TRIM24: variants seen among roughly 807,000 people sequenced by gnomAD.
The protein encoded by TRIM24 is tripartite motif containing 24.
TRIM24 carries 29 observed loss-of-function variants against 123.9 expected under a neutral mutation model. That is an observed-to-expected ratio of 0.23 (90% CI 0.17 to 0.32). The LOEUF is 0.32. TRIM24 is among the 10% of genes least tolerant of loss of function. The pLI is 1.00. For synonymous variants in TRIM24, 456 were observed against 461.1 expected, an observed-to-expected ratio of 0.99 and a Z score of 0.14; for missense variants, 932 against 1,295.3, an observed-to-expected ratio of 0.72 and a Z score of 4.31.
intron 9 of TRIM24, among the ~76,000 whole-genome samples, chr7:138,565,363 G>T (rs1383104071): frequency 6.6e-6 from 1 of 152,158 alleles, no homozygotes; most frequent in Non-Finnish European, 1.5e-5. Flanking sequence ...TATGGGACAG[G>T]TCCTGCCTCG....
intron 1 of TRIM24, among the ~76,000 whole-genome samples, chr7:138,478,872 T>C (rs1360798922): frequency 1.3e-5 from 2 of 152,206 alleles, no homozygotes; most frequent in Non-Finnish European, 2.9e-5. Context: ...ACTTTGAGTT[T>C]GGTTTCTTTT....
chr7:138,560,559 G>C (rs1269565469), intron 9 of TRIM24, among the ~76,000 whole-genome samples: 4 of 152,134 alleles, frequency 2.6e-5, no homozygotes, highest in African/African-American at 7.2e-5. Flanking sequence ...GGGTTGTTCT[G>C]GGCACAAATT....
chr7:138,511,459 G>A (rs1796287089), intron 2 of TRIM24, among the ~76,000 whole-genome samples: 2 of 151,702 alleles, frequency 1.3e-5, no homozygotes, highest in South Asian at 4.2e-4. Context: ...CAGCTAATTT[G>A]TTGTATTTTT....
In TRIM24 at chr7:138,460,875, C is replaced by G; in HGVS notation, c.327C>G (p.Gly109=). 2 of 1,538,610 alleles carry G rather than the reference C, an allele frequency of 1.3e-6. No homozygotes were observed. The highest frequency in any genetic ancestry group is 1.7e-6 in the Non-Finnish European group (2 of 1,151,970). ...CCCCGCCACCCGTCCCTGCCCCCGGCTCGCCGGTCAGCGGCTCGTCGCCGT... is the reference window on the plus strand; with the variant it reads ...CCCCGCCACCCGTCCCTGCCCCCGGGTCGCCGGTCAGCGGCTCGTCGCCGT... ...AETPPPVPAP[G]SPVSGSSPFA... is the part of the protein sequence containing the mutation. Residue 109 remains glycine, a synonymous_variant, in exon 1 of 19, where the codon GGC becomes GGG. Coordinates refer to ENST00000343526, the MANE Select transcript of TRIM24 (RefSeq NM_015905.3).
At chr7:138,463,111 A>C (rs1178850907) in intron 1 of TRIM24, among the ~76,000 whole-genome samples, 1 of 124,074 alleles carries the variant, frequency 8.1e-6, no homozygotes, top group Non-Finnish European at 1.6e-5. Context: ...GCTGGTCTTG[A>C]ACTCCCGACC....
chr7:138,519,212 C>T lies in TRIM24; in HGVS notation c.655C>T (p.Arg219Ter), dbSNP rs112052482. 6.2e-7 allele frequency: 1 copy of T among 1,614,058 alleles called. No individual in the cohort carries two copies. Among genetic ancestry groups the T allele is most frequent in the Non-Finnish European group, 8.5e-7 (1 of 1,179,974 alleles). ...SPEAVGVTSQ[R>*]PVFCPFHKKE... is the part of the protein sequence containing the mutation. Reference sequence around the variant, plus strand: ...AGAGGCAGTTGGTGTCACCAGCCAGCGACCAGTGTTTTGTCCTTTTCATAA... The same window carrying T: ...AGAGGCAGTTGGTGTCACCAGCCAGTGACCAGTGTTTTGTCCTTTTCATAA... Residue 219 changes from arginine to a stop codon, truncating the protein, a stop_gained, in exon 4 of 19, where the codon CGA becomes TGA. Coordinates refer to ENST00000343526, the MANE Select transcript of TRIM24 (RefSeq NM_015905.3). LOFTEE classifies it high-confidence loss of function.
intron 1 of TRIM24, among the ~76,000 whole-genome samples, chr7:138,466,831 G>T (rs1444784123): frequency 2.0e-5 from 3 of 152,012 alleles, no homozygotes; most frequent in Non-Finnish European, 4.4e-5. Context: ...TTATTTTATG[G>T]TTAATGACTT....
At chr7:138,496,421 T>C (rs1387610836) in intron 1 of TRIM24, among the ~76,000 whole-genome samples, 5 of 152,210 alleles carry the variant, frequency 3.3e-5, no homozygotes, top group African/African-American at 4.8e-5. Context: ...TCTGGATTTA[T>C]TTATTTTTTA....
At chr7:138,570,645 T>TG (rs1797634555) in intron 10 of TRIM24, among the ~76,000 whole-genome samples, 185 bp from the exon 11 acceptor site, 1 of 68,180 alleles carries the variant, frequency 1.5e-5, no homozygotes, top group South Asian at 4.4e-4. Context: ...ACTGTTTTGG[T>TG]TTTTTTTTTT....
At chr7:138,477,604 T>C (rs1207326058) in intron 1 of TRIM24, among the ~76,000 whole-genome samples, 1 of 152,362 alleles carries the variant, frequency 6.6e-6, no homozygotes, top group East Asian at 1.9e-4. Flanking sequence ...ATATTGATTG[T>C]GCATTCCTAG....
At chr7:138,502,730 G>C (rs1201332056) in intron 1 of TRIM24, among the ~76,000 whole-genome samples, 1 of 152,148 alleles carries the variant, frequency 6.6e-6, no homozygotes, top group Non-Finnish European at 1.5e-5. Flanking sequence ...GAAATGCATT[G>C]TGACATCTTT....
chr7:138,501,431 A>G (rs1022594717), intron 1 of TRIM24, among the ~76,000 whole-genome samples: 2 of 151,868 alleles, frequency 1.3e-5, no homozygotes, highest in East Asian at 2.0e-4. Flanking sequence ...GGGTTTCCCC[A>G]TATTGACCAG....
At chr7:138,570,750 A>G in intron 10 of TRIM24, 80 bp from the exon 11 acceptor site, 2 of 1,461,856 alleles carry the variant, frequency 1.4e-6, no homozygotes, top group East Asian at 2.3e-5. Flanking sequence ...CTTCTACTTC[A>G]TTTTGTGTGA....
intron 2 of TRIM24, among the ~76,000 whole-genome samples, chr7:138,507,598 C>T (rs1416020752): frequency 1.3e-5 from 2 of 152,146 alleles, no homozygotes; most frequent in African/African-American, 2.4e-5. Flanking sequence ...GCTGGGATTA[C>T]AGGCATAAGC....
At chr7:138,464,038 G>GGGCT (rs1795077699) in intron 1 of TRIM24, among the ~76,000 whole-genome samples, 1 of 110,652 alleles carries the variant, frequency 9.0e-6, no homozygotes. Context: ...TCTGTCGCCC[G>GGGCT]GGCTGGAGTG....
intron 10 of TRIM24, among the ~76,000 whole-genome samples, 183 bp from the exon 11 acceptor site, chr7:138,570,644 GTTT>G (rs199636029): frequency 7.4e-6 from 1 of 135,800 alleles, no homozygotes; most frequent in African/African-American, 2.7e-5. Context: ...TACTGTTTTG[GTTT>G]TTTTTTTTTT....
At chr7:138,504,447 CTTTTTT>C in intron 2 of TRIM24, 39 bp downstream of exon 2, 140 of 154,446 alleles carry the variant, frequency 9.1e-4, no homozygotes, top group Middle Eastern at 1.4e-3. Context: ...CCTGCCAGCT[CTTTTTT>C]TTTTTTTTTT....
intron 4 of TRIM24, among the ~76,000 whole-genome samples, chr7:138,522,532 A>G (rs750530286): frequency 1.1e-4 from 16 of 152,178 alleles, no homozygotes; most frequent in Non-Finnish European, 1.2e-4. Flanking sequence ...ACTAAAGTCT[A>G]CTGATACACA....
Position 138,573,525 on chromosome 7 carries a change from AT to A in TRIM24, c.1899del (p.Met634CysfsTer6). 1 of 1,606,690 alleles carries A rather than the reference AT, an allele frequency of 6.2e-7. No individual in the cohort carries two copies. The highest frequency in any genetic ancestry group is 8.5e-7 in the Non-Finnish European group (1 of 1,177,360). ...TTGTAAGATTGACTGTTCAAGTACT[AT>A]TATGCTGGACAATATTGTGAGGAAA... Reference protein sequence around the residue: ...SLPDIDCSSTIMLDNIVRKDT... With the variant: ...SLPDIDCSSTXMLDNIVRKDT... On this transcript the variant is annotated frameshift_variant, in exon 12 of 19. Coordinates refer to ENST00000343526, the MANE Select transcript of TRIM24 (RefSeq NM_015905.3). LOFTEE classifies it high-confidence loss of function.
Sources: allele counts gnomAD v4.1 joint callset (sites outside exome capture counted in the v4.1 genomes callset), GRCh38; gene constraint gnomAD v4.1.1; transcripts MANE v1.5; gene names NCBI Gene and HGNC (gene_info 2026-07-23, HGNC 2026-07-21).